The following LRP5 variants were observed in gnomAD, a reference collection of about 807,000 sequenced individuals.
LRP5 encodes the protein low-density lipoprotein receptor-related protein 5.
LRP5 carries 62 observed loss-of-function variants against 154.1 expected under a neutral mutation model. The ratio of observed to expected loss-of-function variants is 0.40; its 90% confidence interval spans 0.33 to 0.50. The LOEUF (loss-of-function observed/expected upper bound fraction) is 0.50, where lower values mean the gene tolerates loss of function less well. Ranked by LOEUF, LRP5 falls within the 20% of genes least tolerant of loss-of-function variation. LRP5 has a pLI of 0.55. For synonymous variants in LRP5, 966 were observed against 1,011.5 expected, an observed-to-expected ratio of 0.96 and a Z score of 0.85; for missense variants, 1,915 against 2,336.7, an observed-to-expected ratio of 0.82 and a Z score of 3.72.
In LRP5 at chr11:68,406,653, A is replaced by T; in HGVS notation, c.1931A>T (p.Glu644Val). 5 of 1,614,130 alleles carry T rather than the reference A, an allele frequency of 3.1e-6. No homozygotes were observed. The highest frequency in any genetic ancestry group is 4.2e-6 in the Non-Finnish European group (5 of 1,180,034). Residue 644 changes from glutamate to valine, a missense_variant, in exon 9 of 23, where the codon GAG becomes GTG. Physicochemically the swap from Glu to Val is moderately radical, Grantham distance 121. Around this residue, in one of 3 missense-constraint regions of LRP5, gnomAD observed 773 missense variants for 1,100.9 expected, o/e 0.70. Transcript: ENST00000294304. ...GACATGAAGACCTGCATCGTGCCTG[A>T]GGCCTTCTTGGTCTTCACCAGCAGA... ...LSDMKTCIVP[E>V]AFLVFTSRAA...
chr11:68,409,060 A>AT (rs2098657419), intron 9 of LRP5, among the ~76,000 whole-genome samples: 1 of 16,090 alleles, frequency 6.2e-5, no homozygotes, highest in African/African-American at 1.2e-4. Context: ...GGAAAAAAAA[A>AT]AAAAAAAAAA....
chr11:68,433,524 T>A, intron 17 of LRP5, 78 bp from the exon 18 acceptor site: 1 of 1,300,588 alleles, frequency 7.7e-7, no homozygotes, highest in Middle Eastern at 1.9e-4. Context: ...CAACTTCTGC[T>A]TTGAAGCCCA....
chr11:68,385,498 G>A (rs1019706376), intron 5 of LRP5, among the ~76,000 whole-genome samples: 6 of 152,134 alleles, frequency 3.9e-5, no homozygotes, highest in Non-Finnish European at 8.8e-5. Flanking sequence ...CTGTGTGGAG[G>A]CCGCGGTGCA....
rs140863944 is a variant in LRP5, at chr11:68,413,635, C to T, written c.2504-54C>T. 37 of 1,534,454 alleles carry T rather than the reference C, an allele frequency of 2.4e-5. No homozygotes were observed. Among genetic ancestry groups the T allele is most frequent in the Non-Finnish European group, 2.8e-5 (31 of 1,109,104 alleles). On this transcript the variant is annotated intron_variant, in intron 11 of 22. Transcript: ENST00000294304. This position sits in a 1 kb window ranked among gnomAD's most constrained non-coding sequence, Gnocchi z 5.1. ...GGCTCACCCCGCAGGGCGCCGTGTG[C>T]TCTGTGGCCTGGCTGTGCCTTTGCT...
the LRP5 span, among the ~76,000 whole-genome samples, chr11:68,305,734 T>G: frequency 6.6e-6 from 1 of 152,352 alleles, no homozygotes; most frequent in African/African-American, 2.4e-5. Flanking sequence ...TGAGCCACCA[T>G]GCCCGGCCTC....
rs182873238 is a variant in LRP5 at position 68,316,008 on chromosome 11, A to T, written c.91+3203A>T. Among the ~76,000 whole-genome samples, 10 of 152,022 alleles carry T rather than the reference A, an allele frequency of 6.6e-5. No individual in the cohort carries two copies. The East Asian group carries it at 1.7e-3, about 26-fold the overall frequency. ...TAGAAGGCAGGCATTTGGTACATTCACAGTGTTTACAACCCTCTCTTCTAT... is the reference window on the plus strand; with the variant it reads ...TAGAAGGCAGGCATTTGGTACATTCTCAGTGTTTACAACCCTCTCTTCTAT... On this transcript the variant is annotated intron_variant, in intron 1 of 22. Coordinates refer to ENST00000294304, the MANE Select transcript of LRP5 (RefSeq NM_002335.4).
intron 5 of LRP5, among the ~76,000 whole-genome samples, chr11:68,374,677 C>T (rs1474572471): frequency 6.6e-6 from 1 of 152,182 alleles, no homozygotes; most frequent in Non-Finnish European, 1.5e-5. Context: ...CCTTTGCCAT[C>T]CTCAACCCCC....
chr11:68,363,953 G>C lies in LRP5; in HGVS notation c.883+10G>C. The C allele has an allele frequency of 1.2e-6, 2 of 1,603,490 alleles. No individual in the cohort carries two copies. The highest frequency in any genetic ancestry group is 1.7e-6 in the Non-Finnish European group (2 of 1,175,366). ...GAGCGGCAGCCTTTCTGTGAGTGCC[G>C]GCTGGGGCGCGGGGGCGAGGGTGCG... is the stretch of plus-strand genomic sequence containing the variant. On this transcript the variant is annotated intron_variant, in intron 4 of 22. Transcript: ENST00000294304.
Position 68,413,793 on chromosome 11 carries a change from C to T in LRP5, c.2608C>T (p.Arg870Trp), listed in dbSNP as rs769188092. The T allele has an allele frequency of 3.7e-6, 6 of 1,613,364 alleles. No homozygotes were observed. Among genetic ancestry groups the T allele is most frequent in the African/African-American group, 1.3e-5 (1 of 74,918 alleles). ...AGACTGGAATCTGCACAGCATTGAG[C>T]GGGCCGACAAGACTAGCGGCCGGAA... ...WTDWNLHSIE[R>W]ADKTSGRNRT... Residue 870 changes from arginine (R) to tryptophan (W), a missense_variant, in exon 12 of 23, where the codon CGG becomes TGG. Arg to Trp is a moderately radical substitution (Grantham distance 101, BLOSUM62 -3). Transcript: ENST00000294304. This position sits in a 1 kb window ranked among gnomAD's most constrained non-coding sequence, Gnocchi z 5.1.
intron 5 of LRP5, among the ~76,000 whole-genome samples, chr11:68,381,067 G>A (rs2098639992): frequency 6.6e-6 from 1 of 152,210 alleles, no homozygotes; most frequent in Non-Finnish European, 1.5e-5. Context: ...GAGCAGGTGA[G>A]CAGACACTGA....
At position 68,446,475 on chromosome 11, in the gene LRP5, C is replaced by T. The variant is rs774530181; in HGVS notation, c.4528C>T (p.Leu1510=). Residue 1510 remains leucine (L), a synonymous_variant, in exon 22 of 23, where the codon CTG becomes TTG. Coordinates refer to ENST00000294304, the MANE Select transcript of LRP5 (RefSeq NM_002335.4). The stretch of plus-strand genomic sequence containing the variant: ...GCCCTCCCCGGCCACGGACCCCTCC[C>T]TGTACAACATGGACATGTTCTACTC... ...PPPSPATDPS[L]YNMDMFYSSN... 3 of 1,614,170 alleles carry T rather than the reference C, an allele frequency of 1.9e-6. No individual in the cohort carries two copies. Among genetic ancestry groups the T allele is most frequent in the Non-Finnish European group, 2.5e-6 (3 of 1,180,002 alleles).
chr11:68,411,441 T>C lies in LRP5; in HGVS notation c.2324T>C (p.Ile775Thr), dbSNP rs144983823. ...SLALDPTKGY[I>T]YWTEWGGKPR... is the part of the protein sequence containing the mutation. Reference sequence around the variant, plus strand: ...TTCTCCCTTGTGCCTTCCAGCTACATCTACTGGACCGAGTGGGGCGGCAAG... The same window carrying C: ...TTCTCCCTTGTGCCTTCCAGCTACACCTACTGGACCGAGTGGGGCGGCAAG... Residue 775 changes from isoleucine to threonine, a missense_variant, in exon 11 of 23, where the codon ATC becomes ACC. Ile to Thr is a moderately conservative substitution (Grantham distance 89). Coordinates refer to ENST00000294304, the MANE Select transcript of LRP5 (RefSeq NM_002335.4). The C allele has an allele frequency of 7.0e-5, 113 of 1,611,576 alleles. No individual in the cohort carries two copies. In the African/African-American group the frequency reaches 1.3e-3, roughly 19 times the overall value.
rs753264189 is a variant in LRP5, at chr11:68,411,628, C to T, written c.2503+8C>T. The T allele has an allele frequency of 1.2e-6, 2 of 1,606,298 alleles. No homozygotes were observed. Among genetic ancestry groups the T allele is most frequent in the Non-Finnish European group, 1.7e-6 (2 of 1,176,546 alleles). On this transcript the variant is annotated splice_region_variant and intron_variant, in intron 11 of 22. Coordinates refer to ENST00000294304, the MANE Select transcript of LRP5 (RefSeq NM_002335.4). ...AGTCGTCCAACATGCTGGGTGAGGG[C>T]CGGGCTGGGGCCTTCTGGTCATGGA... is the stretch of plus-strand genomic sequence containing the variant.
chr11:68,427,997 TTA>T (rs2153175385), intron 16 of LRP5, among the ~76,000 whole-genome samples: 1 of 150,936 alleles, frequency 6.6e-6, no homozygotes, highest in South Asian at 2.1e-4. Flanking sequence ...ATTTATTTAT[TTA>T]TTTATTTATT....
intron 7 of LRP5, among the ~76,000 whole-genome samples, chr11:68,392,657 A>G (rs1313385009): frequency 6.6e-6 from 1 of 151,974 alleles, no homozygotes; most frequent in African/African-American, 2.4e-5. Context: ...ACTCACGCCC[A>G]TTCTCCCCTC....
In LRP5 at chr11:68,312,667, A is replaced by C. The variant is rs1255208804; in HGVS notation, c.-48A>C. The C allele has an allele frequency of 2.3e-6, 2 of 869,628 alleles. No homozygotes were observed. The highest frequency in any genetic ancestry group is 1.9e-5 in the African/African-American group (1 of 53,738). 53.9% of individuals were successfully genotyped at this position (869,628 alleles called of 1,614,324 possible). ...CGCGAGGAGCCGCCGCCGCCGCGCC[A>C]TGGAGCCCGAGTGAGCGCGGCGCGG... On this transcript the variant is annotated 5_prime_UTR_variant, in exon 1 of 23. It removes an upstream start codon present in the reference 5' UTR. Transcript: ENST00000294304.
At chr11:68,429,431 A>C in intron 16 of LRP5, 144 bp from the exon 17 acceptor site, 2 of 907,832 alleles carry the variant, frequency 2.2e-6, no homozygotes, top group Non-Finnish European at 3.5e-6. Context: ...GCCAAGAGGA[A>C]TAAGTGGGAG....
At position 68,448,969 on chromosome 11, in the gene LRP5, TACCTGTCGGCGGAGG is replaced by T; in HGVS notation, c.4750_4764del (p.Leu1584_Asp1588del). Reference sequence around the variant, plus strand: ...ACCCCCACCCACGCCCCACAGCCAGTACCTGTCGGCGGAGGACAGCTGCCCGCCCTCGCCCGCCAC... The same window carrying T: ...ACCCCCACCCACGCCCCACAGCCAGTACAGCTGCCCGCCCTCGCCCGCCAC... On this transcript the variant is annotated inframe_deletion, in exon 23 of 23. Coordinates refer to ENST00000294304, the MANE Select transcript of LRP5 (RefSeq NM_002335.4). The T allele has an allele frequency of 6.2e-7, 1 of 1,611,100 alleles. No homozygotes were observed. Among genetic ancestry groups the T allele is most frequent in the Non-Finnish European group, 8.5e-7 (1 of 1,179,510 alleles).
chr11:68,445,352 G>A (rs1202911733), intron 21 of LRP5, among the ~76,000 whole-genome samples: 1 of 152,112 alleles, frequency 6.6e-6, no homozygotes, highest in Non-Finnish European at 1.5e-5. Context: ...CGCCCGCCTC[G>A]GCCTCCCAAA....
Sources: allele counts gnomAD v4.1 joint callset (sites outside exome capture counted in the v4.1 genomes callset), GRCh38; gene constraint gnomAD v4.1.1; regional missense constraint gnomAD v4.1.1; non-coding constraint Gnocchi (gnomAD v3.1); transcripts MANE v1.5; gene names NCBI Gene and HGNC (gene_info 2026-07-23, HGNC 2026-07-21).